The following VWF variants were observed in gnomAD, a reference collection of about 807,000 sequenced individuals.
VWF encodes the protein Factor VIII related antigen.
A neutral mutation model predicts 308.6 loss-of-function variants in VWF; 176 were observed. The ratio of observed to expected loss-of-function variants is 0.57; its 90% confidence interval spans 0.50 to 0.65. The LOEUF is 0.65. Ranked by LOEUF, VWF falls within the 30% of genes least tolerant of loss-of-function variation. The probability of loss-of-function intolerance (pLI) is 0.00; values close to 1 mark genes in which losing one functional copy is unlikely to be tolerated. For synonymous variants in VWF, 1,385 were observed against 1,443.4 expected, an observed-to-expected ratio of 0.96 and a Z score of 0.92; for missense variants, 3,146 against 3,648.2, an observed-to-expected ratio of 0.86 and a Z score of 3.55.
chr12:5,950,902 T>A (rs1943183259), intron 50 of VWF, among the ~76,000 whole-genome samples: 1 of 152,166 alleles, frequency 6.6e-6, no homozygotes, highest in Admixed American at 6.5e-5. Flanking sequence ...ACCATTCAAA[T>A]GGGAATCATA....
intron 47 of VWF, among the ~76,000 whole-genome samples, chr12:5,963,908 A>T (rs1291022055): frequency 6.6e-6 from 1 of 152,158 alleles, no homozygotes; most frequent in Admixed American, 6.5e-5. Context: ...AATTTTAATA[A>T]AATAAAAACC....
chr12:6,040,106 TTTC>T (rs1234891327), intron 18 of VWF, among the ~76,000 whole-genome samples: 3 of 151,992 alleles, frequency 2.0e-5, no homozygotes, highest in South Asian at 2.1e-4. Flanking sequence ...GACCTCAGGG[TTTC>T]TTCTTCTCTG....
At chr12:5,956,653 A>G (rs2136343114) in intron 47 of VWF, among the ~76,000 whole-genome samples, 1 of 152,150 alleles carries the variant, frequency 6.6e-6, no homozygotes, top group Non-Finnish European at 1.5e-5. Context: ...AAAAAAAAAA[A>G]AAGAAGTTAA....
At chr12:6,013,374 T>A in intron 32 of VWF, 107 bp downstream of exon 32, 1 of 1,400,460 alleles carries the variant, frequency 7.1e-7, no homozygotes, top group Non-Finnish European at 1.0e-6. Flanking sequence ...AGGCCAAATC[T>A]TATGCATGGG....
intron 6 of VWF, among the ~76,000 whole-genome samples, chr12:6,078,960 A>G (rs542362808): frequency 6.6e-6 from 1 of 152,350 alleles, no homozygotes; most frequent in Admixed American, 6.5e-5. Flanking sequence ...ATTTGCCTGC[A>G]GGATGGGAGT....
intron 31 of VWF, among the ~76,000 whole-genome samples, chr12:6,014,720 T>G (rs1443881609): frequency 2.0e-5 from 3 of 152,126 alleles, no homozygotes. Flanking sequence ...GATACGAATT[T>G]CAAAGTCAAA....
rs11613674 is a variant in VWF, at chr12:6,024,944, G to A, written c.3222+636C>T. On this transcript the variant is annotated intron_variant, in intron 24 of 51. Coordinates refer to ENST00000261405, the MANE Select transcript of VWF (RefSeq NM_000552.5). This position sits in a 1 kb window ranked among gnomAD's most constrained non-coding sequence, Gnocchi z 4.0. ...AGGTTGAGGCAGGAGAATCGCTTGA[G>A]CCCAGGAGGCAGAGGCTGCACTAAG... 0.28 allele frequency among the ~76,000 whole-genome samples: 42,616 copies of A among 150,986 alleles called. 6,781 individuals are homozygous for A. The highest frequency in any genetic ancestry group is 0.43 in the African/African-American group (17,431 of 40,974).
At chr12:5,956,809 A>G (rs1335432724) in intron 47 of VWF, among the ~76,000 whole-genome samples, 4 of 152,236 alleles carry the variant, frequency 2.6e-5, no homozygotes, top group South Asian at 2.1e-4. Context: ...TTAAAACTTT[A>G]TAAGTAAAAA....
At position 6,063,584 on chromosome 12, in the gene VWF, G is replaced by A. The variant is rs779303856; in HGVS notation, c.1433-530C>T. ...GACACACAGCATAACACCCATGGAC[G>A]TGCTGGGTACCCACTAGCCCAAGTT... On this transcript the variant is annotated intron_variant, in intron 12 of 51. Transcript: ENST00000261405. The surrounding 1 kb of genome is among the most constrained non-coding windows in gnomAD (Gnocchi z 4.9). Among the ~76,000 whole-genome samples, 19 of 152,154 alleles carry A rather than the reference G, an allele frequency of 1.2e-4. No individual in the cohort carries two copies. Among genetic ancestry groups the A allele is most frequent in the African/African-American group, 3.4e-4 (14 of 41,432 alleles).
chr12:5,974,125 G>A (rs1943507505), intron 43 of VWF, among the ~76,000 whole-genome samples: 1 of 152,274 alleles, frequency 6.6e-6, no homozygotes, highest in Non-Finnish European at 1.5e-5. Flanking sequence ...CGGCATATAT[G>A]AGCCCAAGTG....
chr12:5,971,258 C>T (rs1943469870), intron 44 of VWF, among the ~76,000 whole-genome samples: 2 of 152,218 alleles, frequency 1.3e-5, no homozygotes, highest in African/African-American at 4.8e-5. Context: ...TGGTCCAGAA[C>T]AGTACTTGCA....
chr12:6,057,801 G>A, intron 14 of VWF, 48 bp downstream of exon 14: 1 of 1,558,698 alleles, frequency 6.4e-7, no homozygotes, highest in Non-Finnish European at 8.7e-7. Flanking sequence ...CTAATGTGGA[G>A]ACCTCGAGAT....
rs1265726290 is a variant in VWF at position 6,059,110 on chromosome 12, C to A, written c.1534-1066G>T. 1.3e-5 allele frequency among the ~76,000 whole-genome samples: 2 copies of A among 152,160 alleles called. 1 individual carries two copies. The highest frequency in any genetic ancestry group is 4.8e-5 in the African/African-American group (2 of 41,420). On this transcript the variant is annotated intron_variant, in intron 13 of 51. Transcript: ENST00000261405. Reference sequence around the variant, plus strand: ...TAGAAGGTCCCAGGCCCATAGAAATCGAACCCAAGTAAACACTGTTAAGAA... The same window carrying A: ...TAGAAGGTCCCAGGCCCATAGAAATAGAACCCAAGTAAACACTGTTAAGAA...
intron 39 of VWF, 106 bp from the exon 40 acceptor site, chr12:5,985,225 G>T: frequency 1.7e-6 from 2 of 1,181,460 alleles, no homozygotes; most frequent in Non-Finnish European, 1.3e-6. Context: ...AGTTCTGTAC[G>T]GTCATCCCAC....
rs1943608536 is a variant in VWF at position 5,981,774 on chromosome 12, A to C, written c.7287+12T>G. The C allele has an allele frequency of 2.5e-6, 4 of 1,613,878 alleles. No individual in the cohort carries two copies. Among genetic ancestry groups the C allele is most frequent in the Non-Finnish European group, 3.4e-6 (4 of 1,179,848 alleles). Reference sequence around the variant, plus strand: ...ACTATTAACTGATAGTTAATAGCCAAGCAGTCCTTACCTTGTCGGGAAGGC... The same window carrying C: ...ACTATTAACTGATAGTTAATAGCCACGCAGTCCTTACCTTGTCGGGAAGGC... On this transcript the variant is annotated intron_variant, in intron 42 of 51. Coordinates refer to ENST00000261405, the MANE Select transcript of VWF (RefSeq NM_000552.5).
chr12:6,030,961 G>C (rs1382849942), intron 21 of VWF, among the ~76,000 whole-genome samples: 1 of 152,122 alleles, frequency 6.6e-6, no homozygotes, highest in East Asian at 1.9e-4. Context: ...CCCTAGAGGT[G>C]GAGGTTGCAG....
At chr12:5,956,902 G>C (rs948177610) in intron 47 of VWF, among the ~76,000 whole-genome samples, 31 of 152,136 alleles carry the variant, frequency 2.0e-4, no homozygotes, top group African/African-American at 7.5e-4. Context: ...AGTGTACAAT[G>C]TTTATAGACT....
chr12:5,983,970 AGATG>A (rs945239946), intron 40 of VWF, among the ~76,000 whole-genome samples: 290 of 142,046 alleles, frequency 2.0e-3, no homozygotes, highest in African/African-American at 6.3e-3. Context: ...ATGGATGGAT[AGATG>A]GATAGATAGA....
rs71064187 is a variant in VWF at position 6,092,614 on chromosome 12, T to TGAGTGAGTGAGAGAGAGAGAGAGAGAGA, written c.657+2845_657+2846insTCTCTCTCTCTCTCTCTCTCACTCACTC. ...CATGCCCAGCTAGTTAGTGAGTGAG[T>TGAGTGAGTGAGAGAGAGAGAGAGAGAGA]GAGAGTGTGTGTGTGTGTGTGTGTG... On this transcript the variant is annotated intron_variant, in intron 6 of 51. Transcript: ENST00000261405. Among the ~76,000 whole-genome samples the TGAGTGAGTGAGAGAGAGAGAGAGAGAGA allele has an allele frequency of 7.3e-3, 629 of 86,020 alleles. 48 individuals carry two copies. The highest frequency in any genetic ancestry group is 0.035 in the African/African-American group (596 of 17,200). The allele number at this position is 86,020 out of a possible 152,430, so 56.4% of individuals were successfully genotyped here. A position where few individuals can be genotyped will look rare whatever the true frequency, so the allele number is the denominator to read the frequency against.
Sources: gnomAD v4.1 joint callset for allele counts (sites outside exome capture counted in the v4.1 genomes callset) on GRCh38, gnomAD v4.1.1 for gene constraint, Gnocchi (gnomAD v3.1) non-coding constraint, MANE v1.5 for transcripts, NCBI Gene and HGNC (gene_info 2026-07-23, HGNC 2026-07-21) for gene names.